ZNF320: variants seen among roughly 807,000 people sequenced by gnomAD.
ZNF320 encodes zinc finger protein 320.
Under a neutral mutation model 6.8 loss-of-function variants are expected in ZNF320, and 2 were observed. That is an observed-to-expected ratio of 0.29 (90% CI 0.12 to 0.93). The LOEUF is 0.93. Ranked by LOEUF, ZNF320 falls within the 40% of genes least tolerant of loss-of-function variation. The probability of loss-of-function intolerance (pLI) is 0.55; values close to 1 mark genes in which losing one functional copy is unlikely to be tolerated. For synonymous variants in ZNF320, 208 were observed against 203.2 expected, an observed-to-expected ratio of 1.02 and a Z score of -0.20; for missense variants, 472 against 611.0, an observed-to-expected ratio of 0.77 and a Z score of 2.40.
chr19:52,881,671 CTA>C lies in ZNF320; in HGVS notation c.453_454del (p.His151GlnfsTer13). On this transcript the variant is annotated frameshift_variant, in exon 6 of 6. Coordinates refer to ENST00000682928, the MANE Select transcript of ZNF320 (RefSeq NM_001351774.2). LOFTEE classifies it low-confidence loss of function (END_TRUNC). ...AGGTTTCTCTCCAGTATGAATTCTC[CTA>C]TGTCTTCGCAAATGCAAATGAAATC... The C allele has an allele frequency of 6.2e-7, 1 of 1,613,976 alleles. No individual in the cohort carries two copies. The highest frequency in any genetic ancestry group is 1.1e-5 in the South Asian group (1 of 91,072).
intron 4 of ZNF320, among the ~76,000 whole-genome samples, chr19:52,888,842 T>A (rs2147862128): frequency 6.6e-6 from 1 of 152,274 alleles, no homozygotes; most frequent in East Asian, 1.9e-4. Context: ...TGTGTGTATG[T>A]GTGTGGGGAT....
At chr19:52,883,349 T>C (rs1165352804) in intron 5 of ZNF320, among the ~76,000 whole-genome samples, 1 of 152,182 alleles carries the variant, frequency 6.6e-6, no homozygotes, top group Non-Finnish European at 1.5e-5. Context: ...CATGAGCCAC[T>C]GTGCCCAGCG....
At position 52,876,251 on chromosome 19, in the gene ZNF320, C is replaced by A. The variant is rs1367919426; in HGVS notation, c.*4345G>T. The stretch of plus-strand genomic sequence containing the variant: ...TATCTTTATCAAGTACACATCGAAA[C>A]AACCTAAAATCATTTATCAGGTACT... On this transcript the variant is annotated 3_prime_UTR_variant, in exon 6 of 6. Coordinates refer to ENST00000682928, the MANE Select transcript of ZNF320 (RefSeq NM_001351774.2). 2 of 152,172 alleles carry A rather than the reference C, an allele frequency of 1.3e-5. No homozygotes were observed. The highest frequency in any genetic ancestry group is 1.3e-4 in the Admixed American group (2 of 15,278). The allele number at this position is 152,172 out of a possible 1,614,324, so 9.4% of individuals were successfully genotyped here.
At chr19:52,890,136 A>T in intron 4 of ZNF320, 105 bp downstream of exon 4, 1 of 1,517,544 alleles carries the variant, frequency 6.6e-7, no homozygotes, top group Non-Finnish European at 9.0e-7. Context: ...TTGTGAGCAA[A>T]CCTGTCAGGC....
chr19:52,860,597 C>CA (rs113315558), downstream of ZNF320, among the ~76,000 whole-genome samples: 4,073 of 118,798 alleles, frequency 0.034, 112 homozygotes, highest in Middle Eastern at 0.059. Flanking sequence ...GAAACGGCAT[C>CA]AAAAAAAAAA....
chr19:52,898,471 G>T (rs900358448), upstream of ZNF320, among the ~76,000 whole-genome samples: 1 of 152,118 alleles, frequency 6.6e-6, no homozygotes, highest in African/African-American at 2.4e-5. Context: ...TCCTTCCTCC[G>T]CCTCAATAAG....
Position 52,880,881 on chromosome 19 carries a change from A to G in ZNF320, c.1245T>C (p.Cys415=), listed in dbSNP as rs767249705. Residue 415 remains cysteine (C), a synonymous_variant, in exon 6 of 6, where the codon TGT becomes TGC. Transcript: ENST00000682928. ...GAATGTAAACTTTGTCACATTCTTC[A>G]CATTCGTAAAGTTTCTCTCCAGTAT... ...KLHTGEKLYE[C]EECDKVYIRK... 2.4e-5 allele frequency: 38 copies of G among 1,613,842 alleles called. No individual in the cohort carries two copies. The highest frequency in any genetic ancestry group is 3.1e-5 in the Non-Finnish European group (37 of 1,179,886).
At chr19:52,903,609 G>A in the ZNF320 span, among the ~76,000 whole-genome samples, 1 of 152,072 alleles carries the variant, frequency 6.6e-6, no homozygotes, top group Non-Finnish European at 1.5e-5. Context: ...AAGTTTTCCT[G>A]GGGTCACAGT....
intron 5 of ZNF320, among the ~76,000 whole-genome samples, chr19:52,887,011 GAAAAAACAAAACAAAA>G (rs2064110268): frequency 2.7e-5 from 2 of 73,058 alleles, no homozygotes; most frequent in South Asian, 3.6e-4. Context: ...GGAAGGAAAA[GAAAAAACAAAACAAAA>G]GAAAAGAAAA....
downstream of ZNF320, among the ~76,000 whole-genome samples, chr19:52,873,626 T>C (rs1322207209): frequency 6.6e-6 from 1 of 152,202 alleles, no homozygotes; most frequent in Non-Finnish European, 1.5e-5. Flanking sequence ...CCACAACGTA[T>C]GACTTTCATA....
intron 1 of ZNF320, among the ~76,000 whole-genome samples, chr19:52,896,862 C>T (rs2064489396): frequency 6.6e-6 from 1 of 152,210 alleles, no homozygotes; most frequent in Admixed American, 6.5e-5. Flanking sequence ...CTGTCCCTAC[C>T]GCCCTCCTCC....
rs2064279758 is a variant in ZNF320, at chr19:52,891,246, G to A, written c.-91C>T. 1 of 152,046 alleles carries A rather than the reference G, an allele frequency of 6.6e-6. No individual in the cohort carries two copies. Among genetic ancestry groups the A allele is most frequent in the African/African-American group, 2.4e-5 (1 of 41,374 alleles). 9.4% of individuals were successfully genotyped at this position (152,046 alleles called of 1,614,324 possible). On this transcript the variant is annotated 5_prime_UTR_variant, in exon 3 of 6. Transcript: ENST00000682928. ...GCACGCACCTGTATCTCAGCTACTT[G>A]GTAGGCTGAGGCACAAGAATCACTT...
chr19:52,873,892 G>A (rs2063722268), downstream of ZNF320: 2 of 328,192 alleles, frequency 6.1e-6, no homozygotes, highest in Non-Finnish European at 1.2e-5. Context: ...GCAAACGTGT[G>A]AGGCAGGACG....
At chr19:52,869,889 T>C (rs1161754350) in intron 5 of ZNF320, among the ~76,000 whole-genome samples, 1 of 151,878 alleles carries the variant, frequency 6.6e-6, no homozygotes, top group Non-Finnish European at 1.5e-5. Flanking sequence ...CTAATGTTTT[T>C]TGTATTTCAT....
intron 5 of ZNF320, 34 bp downstream of exon 5, chr19:52,888,093 C>T (rs368979028): frequency 6.2e-7 from 1 of 1,601,514 alleles, no homozygotes; most frequent in African/African-American, 1.4e-5. Flanking sequence ...TCCACAAGGG[C>T]ACATCCCCAC....
exon 6 of ZNF320, chr19:52,863,723 A>T (rs2063500224): frequency 6.0e-6 from 1 of 166,306 alleles, no homozygotes; most frequent in South Asian, 1.5e-4. Context: ...AACAAACTGA[A>T]CAAAGCTTTT....
rs779731223 is a variant in ZNF320 at position 52,880,645 on chromosome 19, T to C, written c.1481A>G (p.Asp494Gly). ...LAEHQKIPFG[D>G]NCFKCNEYSK... is the part of the protein sequence containing the mutation. ...ATACTCATTGCACTTGAAACAATTG[T>C]CTCCAAAAGGAATTTTCTGATGTTC... The change falls in exon 6 of 6, where the codon GAC becomes GGC. Residue 494 changes from aspartate (D) to glycine (G), a missense_variant. This residue lies in a region of ZNF320 where 462 missense variants were observed against 559.7 expected (regional missense o/e 0.83). Transcript: ENST00000682928. 2 of 1,613,272 alleles carry C rather than the reference T, an allele frequency of 1.2e-6. No individual in the cohort carries two copies. Among genetic ancestry groups the C allele is most frequent in the Non-Finnish European group, 1.7e-6 (2 of 1,179,630 alleles).
upstream of ZNF320, among the ~76,000 whole-genome samples, chr19:52,899,495 C>G (rs928517439): frequency 1.1e-4 from 16 of 152,144 alleles, no homozygotes; most frequent in African/African-American, 3.9e-4. Flanking sequence ...TGGAGTCTCG[C>G]TCTGTCACCC....
chr19:52,871,584 C>T (rs185440768), downstream of ZNF320, among the ~76,000 whole-genome samples: 7 of 152,228 alleles, frequency 4.6e-5, no homozygotes, highest in East Asian at 9.7e-4. Flanking sequence ...TCGAGGTCTA[C>T]GGTTCTGATG....
Sources: allele counts gnomAD v4.1 joint callset (sites outside exome capture counted in the v4.1 genomes callset), GRCh38; gene constraint gnomAD v4.1.1; regional missense constraint gnomAD v4.1.1; transcripts MANE v1.5; gene names NCBI Gene and HGNC (gene_info 2026-07-23, HGNC 2026-07-21).